Variants in ACTR3C observed in about 807,000 individuals in gnomAD.
ACTR3C encodes actin related protein 3C, also known as actin-related protein 3C.
In ACTR3C, 18 loss-of-function variants were observed where a neutral mutation model predicts 26.3. That is an observed-to-expected ratio of 0.68 (90% CI 0.47 to 1.01). The LOEUF (loss-of-function observed/expected upper bound fraction) is 1.01. Ranked by LOEUF, ACTR3C falls within the 50% of genes least tolerant of loss-of-function variation. ACTR3C has a pLI of 0.00. For synonymous variants in ACTR3C, 55 were observed against 94.5 expected (o/e 0.58, Z 2.42); for missense variants, 184 against 250.7 (o/e 0.73, Z 1.80).
At chr7:149,946,981 C>G in the ACTR3C span, among the ~76,000 whole-genome samples, 2 of 150,812 alleles carry the variant, frequency 1.3e-5, no homozygotes, top group Non-Finnish European at 2.9e-5. Context: ...AGCAGTGTAT[C>G]TGCCTGCTGG....
intron 6 of ACTR3C, among the ~76,000 whole-genome samples, chr7:150,267,639 T>G (rs376353257): frequency 6.6e-6 from 1 of 152,210 alleles, no homozygotes; most frequent in African/African-American, 2.4e-5. Context: ...TCTCTTACTG[T>G]GCCTAATTTA....
the ACTR3C span, among the ~76,000 whole-genome samples, chr7:150,154,834 G>A: frequency 2.0e-5 from 3 of 152,136 alleles, no homozygotes; most frequent in Admixed American, 1.3e-4. Flanking sequence ...CCAGAAACAT[G>A]CTGAGTTTCA....
the ACTR3C span, among the ~76,000 whole-genome samples, chr7:150,165,765 T>C: frequency 0.68 from 100,583 of 147,746 alleles, 35,148 homozygotes; most frequent in East Asian, 0.84. Flanking sequence ...AGTCCATTCC[T>C]GCTCTCCCTC....
the ACTR3C span, among the ~76,000 whole-genome samples, chr7:149,903,778 A>G: frequency 2.3e-4 from 34 of 149,108 alleles, no homozygotes; most frequent in African/African-American, 8.3e-4. Flanking sequence ...TCCTGGGCTC[A>G]AGCAATCCTC....
At chr7:150,179,275 T>G in the ACTR3C span, among the ~76,000 whole-genome samples, 1 of 143,968 alleles carries the variant, frequency 6.9e-6, no homozygotes. Flanking sequence ...GTCTAGCCAG[T>G]CTGATGAGGA....
the ACTR3C span, among the ~76,000 whole-genome samples, chr7:149,978,955 G>C: frequency 6.6e-6 from 1 of 151,654 alleles, no homozygotes; most frequent in South Asian, 2.1e-4. Flanking sequence ...CACGGTACTG[G>C]GTCCTACCGT....
At chr7:150,219,087 C>T in the ACTR3C span, among the ~76,000 whole-genome samples, 1 of 151,222 alleles carries the variant, frequency 6.6e-6, no homozygotes, top group Admixed American at 6.6e-5. Context: ...AAATCCTCAT[C>T]TTACATAACT....
the ACTR3C span, among the ~76,000 whole-genome samples, chr7:150,036,935 T>C: frequency 1.3e-3 from 97 of 74,510 alleles, no homozygotes; most frequent in South Asian, 1.7e-3. Context: ...ATGGGGGTCC[T>C]AAGAGCCAGT....
the ACTR3C span, among the ~76,000 whole-genome samples, chr7:150,013,825 G>A: frequency 6.6e-6 from 1 of 152,218 alleles, no homozygotes; most frequent in Non-Finnish European, 1.5e-5. Flanking sequence ...GCATGATGGA[G>A]GCTTGGGTGA....
the ACTR3C span, among the ~76,000 whole-genome samples, chr7:150,110,264 TAAGA>T: frequency 6.6e-6 from 1 of 151,744 alleles, no homozygotes; most frequent in Non-Finnish European, 1.5e-5. Context: ...GCAAAAACAG[TAAGA>T]AAGAGTTGTC....
chr7:149,986,531 C>A, the ACTR3C span, among the ~76,000 whole-genome samples: 1 of 152,100 alleles, frequency 6.6e-6, no homozygotes, highest in Non-Finnish European at 1.5e-5. Flanking sequence ...TAACACAACT[C>A]CTTAGTAAAG....
At chr7:149,929,466 C>A in the ACTR3C span, among the ~76,000 whole-genome samples, 3 of 134,000 alleles carry the variant, frequency 2.2e-5, no homozygotes, top group African/African-American at 5.4e-5. Context: ...CCAATGGATA[C>A]TTAAACTAAT....
At chr7:150,113,955 C>T in the ACTR3C span, among the ~76,000 whole-genome samples, 9 of 152,176 alleles carry the variant, frequency 5.9e-5, no homozygotes, top group South Asian at 4.2e-4. Context: ...CTCGGTGCAA[C>T]GTGCTCTACA....
At chr7:150,042,487 C>T in the ACTR3C span, among the ~76,000 whole-genome samples, 1 of 69,660 alleles carries the variant, frequency 1.4e-5, no homozygotes, top group East Asian at 1.2e-3. Context: ...GGTTCGCAGT[C>T]CCCGCCTCGC....
At chr7:150,201,080 C>A in the ACTR3C span, among the ~76,000 whole-genome samples, 1 of 152,210 alleles carries the variant, frequency 6.6e-6, no homozygotes, top group Non-Finnish European at 1.5e-5. Context: ...GAATTCTACA[C>A]CTAGATTCAA....
chr7:150,198,994 C>A, the ACTR3C span, among the ~76,000 whole-genome samples: 1 of 140,866 alleles, frequency 7.1e-6, no homozygotes, highest in African/African-American at 2.9e-5. Flanking sequence ...GGGGTCAGCC[C>A]CCCTGCCCGG....
At chr7:150,284,133 C>T (rs1246552245) in intron 6 of ACTR3C, among the ~76,000 whole-genome samples, 5 of 152,148 alleles carry the variant, frequency 3.3e-5, no homozygotes, top group African/African-American at 9.7e-5. Flanking sequence ...ATGGAATTCA[C>T]GGAAAGCATG....
chr7:149,970,090 T>C, the ACTR3C span, among the ~76,000 whole-genome samples: 1 of 152,106 alleles, frequency 6.6e-6, no homozygotes, highest in Non-Finnish European at 1.5e-5. Flanking sequence ...AAAATGAGTA[T>C]ATTCAGAAGG....
chr7:150,111,854 C>A, the ACTR3C span, among the ~76,000 whole-genome samples: 13,597 of 149,596 alleles, frequency 0.091, 672 homozygotes, highest in Non-Finnish European at 0.12. Context: ...GAGAAATCCC[C>A]GTGTAATGAC....
Sources: gnomAD v4.1 joint callset for allele counts (sites outside exome capture counted in the v4.1 genomes callset) on GRCh38, gnomAD v4.1.1 for gene constraint, MANE v1.5 for transcripts, NCBI Gene and HGNC (gene_info 2026-07-23, HGNC 2026-07-21) for gene names.